FER: variants seen among roughly 807,000 people sequenced by gnomAD.
FER encodes FER tyrosine kinase.
A neutral mutation model predicts 111.0 loss-of-function variants in FER; 63 were observed. The ratio of observed to expected loss-of-function variants is 0.57; its 90% CI spans 0.46 to 0.70. FER has a LOEUF of 0.70. FER is among the 30% of genes least tolerant of loss of function. FER has a pLI of 0.00. For synonymous variants in FER, 327 were observed against 313.9 expected (o/e 1.04, Z -0.44); for missense variants, 914 against 954.0 (o/e 0.96, Z 0.55).
chr5:109,020,628 G>T (rs753186729), intron 13 of FER, among the ~76,000 whole-genome samples: 22 of 151,970 alleles, frequency 1.4e-4, no homozygotes, highest in Non-Finnish European at 2.5e-4. Context: ...GGATGACAAA[G>T]ATTAATTATG....
intron 3 of FER, among the ~76,000 whole-genome samples, chr5:108,823,394 C>T (rs1293832900): frequency 6.6e-6 from 1 of 152,164 alleles, no homozygotes; most frequent in East Asian, 1.9e-4. Context: ...ATTTACATTT[C>T]CATCAACAGT....
chr5:108,812,863 C>A (rs1443023378), intron 3 of FER, among the ~76,000 whole-genome samples: 1 of 151,930 alleles, frequency 6.6e-6, no homozygotes, highest in African/African-American at 2.4e-5. Flanking sequence ...TTTCTCCCAC[C>A]TGTTCTTTGT....
intron 15 of FER, among the ~76,000 whole-genome samples, chr5:109,045,714 A>T (rs1042789116): frequency 1.3e-5 from 2 of 152,236 alleles, no homozygotes; most frequent in African/African-American, 4.8e-5. Context: ...GAGGGGGTAG[A>T]TTCTGAAATT....
At chr5:108,909,443 A>C (rs993890607) in intron 10 of FER, among the ~76,000 whole-genome samples, 2 of 152,192 alleles carry the variant, frequency 1.3e-5, no homozygotes, top group African/African-American at 4.8e-5. Context: ...GATCTTTGAG[A>C]GTAGAGGCTA....
At chr5:108,798,025 T>A in intron 2 of FER, 99 bp from the exon 3 acceptor site, 1 of 518,180 alleles carries the variant, frequency 1.9e-6, no homozygotes, top group South Asian at 3.2e-5. Flanking sequence ...TTGTGTTTTT[T>A]TTTTTTAACC....
intron 13 of FER, among the ~76,000 whole-genome samples, chr5:109,032,388 A>G (rs1172072953): frequency 6.6e-6 from 1 of 152,160 alleles, no homozygotes; most frequent in Non-Finnish European, 1.5e-5. Context: ...TTTTCACTCA[A>G]CAGGTAATAG....
In FER at chr5:109,096,033, G is replaced by A. The variant is rs186556780; in HGVS notation, c.1925-4363G>A. 3.6e-3 allele frequency among the ~76,000 whole-genome samples: 547 copies of A among 152,110 alleles called. 2 individuals carry two copies. Among genetic ancestry groups the A allele is most frequent in the Middle Eastern group, 0.017 (5 of 294 alleles). On this transcript the variant is annotated intron_variant, in intron 16 of 19. Coordinates refer to ENST00000281092, the MANE Select transcript of FER (RefSeq NM_005246.4). ...AAGAAGTCATTAGTGGCATTGCCCT[G>A]ATGATCTCTTCTCTCCAATTACAAA...
At chr5:109,184,727 A>ACTAT (rs1039288614) in intron 18 of FER, among the ~76,000 whole-genome samples, 4 of 152,226 alleles carry the variant, frequency 2.6e-5, no homozygotes, top group Admixed American at 6.5e-5. Context: ...GTCCATAATT[A>ACTAT]CTATCTATCT....
chr5:108,858,631 T>C (rs369280597), intron 5 of FER, among the ~76,000 whole-genome samples: 2 of 152,110 alleles, frequency 1.3e-5, no homozygotes, highest in African/African-American at 4.8e-5. Flanking sequence ...CAAAACCATA[T>C]AGGGAACTCA....
At chr5:108,959,786 A>G (rs1758907694) in intron 13 of FER, among the ~76,000 whole-genome samples, 2 of 152,118 alleles carry the variant, frequency 1.3e-5, no homozygotes, top group African/African-American at 4.8e-5. Context: ...AAATTAGTCT[A>G]CTCTTCACAG....
chr5:109,067,648 A>G (rs938490357), intron 16 of FER, among the ~76,000 whole-genome samples: 1 of 152,046 alleles, frequency 6.6e-6, no homozygotes, highest in African/African-American at 2.4e-5. Flanking sequence ...TTTTCTAATC[A>G]TCTGCTACTA....
chr5:108,893,878 A>G (rs1296881801), intron 9 of FER, among the ~76,000 whole-genome samples: 2 of 152,152 alleles, frequency 1.3e-5, no homozygotes, highest in South Asian at 2.1e-4. Context: ...TATTTAAATA[A>G]CACATAAAAC....
intron 14 of FER, among the ~76,000 whole-genome samples, chr5:109,038,632 T>C (rs1437802276): frequency 1.3e-5 from 2 of 151,994 alleles, no homozygotes; most frequent in Non-Finnish European, 1.5e-5. Flanking sequence ...GTGACTCATA[T>C]GTTATTTCCT....
chr5:108,835,778 A>G lies in FER; in HGVS notation c.452A>G (p.Lys151Arg). 1.3e-6 allele frequency: 2 copies of G among 1,561,738 alleles called. No homozygotes were observed. The highest frequency in any genetic ancestry group is 1.7e-6 in the Non-Finnish European group (2 of 1,161,826). Residue 151 changes from lysine to arginine, a missense_variant, in exon 5 of 20, where the codon AAA (lysine) becomes AGA (arginine). Lys to Arg is a conservative substitution (Grantham distance 26). Around this residue, in one of 3 missense-constraint regions of FER, gnomAD observed 774 missense variants for 782.6 expected, o/e 0.99. Transcript: ENST00000281092. ...TTAATAAAAGAAATGAATTCTGCCA[A>G]AGAGAAATATAAAGAAGCTTTAGCT... ...RQLIKEMNSA[K>R]EKYKEALAKG...
At chr5:109,087,706 G>C (rs1777719928) in intron 16 of FER, among the ~76,000 whole-genome samples, 2 of 151,052 alleles carry the variant, frequency 1.3e-5, no homozygotes, top group South Asian at 4.2e-4. Flanking sequence ...TTTGGTAGTG[G>C]GAGGAGATTT....
intron 17 of FER, 31 bp downstream of exon 17, chr5:109,100,550 G>T: frequency 1.3e-6 from 2 of 1,582,844 alleles, no homozygotes; most frequent in African/African-American, 1.4e-5. Flanking sequence ...GCAATTTTTG[G>T]TTTTATTAAT....
At chr5:108,905,260 C>T (rs1241839583) in intron 10 of FER, among the ~76,000 whole-genome samples, 3 of 151,930 alleles carry the variant, frequency 2.0e-5, no homozygotes, top group Non-Finnish European at 4.4e-5. Context: ...TATCTGTGTT[C>T]ATATTCATAT....
At chr5:108,749,776 G>A (rs1197329105) in intron 1 of FER, among the ~76,000 whole-genome samples, 1 of 152,166 alleles carries the variant, frequency 6.6e-6, no homozygotes, top group Non-Finnish European at 1.5e-5. Flanking sequence ...ATGTTTGGAG[G>A]CACCTTCAGG....
intron 10 of FER, among the ~76,000 whole-genome samples, chr5:108,908,566 G>T (rs1751108416): frequency 6.6e-6 from 1 of 151,968 alleles, no homozygotes; most frequent in South Asian, 2.1e-4. Context: ...TATACAATTT[G>T]GTTGCTAATC....
Sources: gnomAD v4.1 joint callset for allele counts (sites outside exome capture counted in the v4.1 genomes callset) on GRCh38, gnomAD v4.1.1 for gene constraint, gnomAD v4.1.1 regional missense constraint, MANE v1.5 for transcripts, NCBI Gene and HGNC (gene_info 2026-07-23, HGNC 2026-07-21) for gene names.